The following KCNS3 variants were observed in gnomAD, a reference collection of about 807,000 sequenced individuals.
KCNS3 encodes the protein potassium voltage-gated channel modifier subfamily S member 3.
Under a neutral mutation model 31.0 loss-of-function variants are expected in KCNS3, and 13 were observed. The observed-to-expected ratio is 0.42, with a 90% confidence interval of 0.27 to 0.67. The LOEUF is 0.67. Among genes scored for constraint, KCNS3 ranks in the 30% least tolerant of loss-of-function variants. KCNS3 has a pLI of 0.25. For missense variants in KCNS3, 545 were observed against 622.4 expected (o/e 0.88, Z 1.32); for synonymous variants, 238 against 241.5 (o/e 0.99, Z 0.13).
chr2:17,886,293 AT>A (rs1461504513), intron 1 of KCNS3, among the ~76,000 whole-genome samples: 2 of 152,198 alleles, frequency 1.3e-5, no homozygotes, highest in African/African-American at 4.8e-5. Context: ...ATTTCCTATG[AT>A]TTACTTGAGA....
chr2:17,917,077 T>A (rs1004148911), intron 1 of KCNS3, among the ~76,000 whole-genome samples: 4 of 152,158 alleles, frequency 2.6e-5, no homozygotes, highest in African/African-American at 9.7e-5. Context: ...GACAGAAACT[T>A]AAAACATCCC....
chr2:17,891,581 G>A (rs1212588712), intron 1 of KCNS3, among the ~76,000 whole-genome samples: 1 of 152,136 alleles, frequency 6.6e-6, no homozygotes, highest in Non-Finnish European at 1.5e-5. Context: ...TTTGTTTCAA[G>A]ATTTAGAGCT....
At chr2:17,889,593 G>A (rs1661790252) in intron 1 of KCNS3, among the ~76,000 whole-genome samples, 1 of 152,112 alleles carries the variant, frequency 6.6e-6, no homozygotes, top group South Asian at 2.1e-4. Context: ...TTACATTAAG[G>A]TATGTCCCTT....
chr2:17,883,299 G>A (rs912552029), intron 1 of KCNS3, among the ~76,000 whole-genome samples: 8 of 149,830 alleles, frequency 5.3e-5, no homozygotes, highest in African/African-American at 1.2e-4. Flanking sequence ...ATTCAAATCC[G>A]TGCATACATT....
intron 1 of KCNS3, among the ~76,000 whole-genome samples, chr2:17,912,009 G>C (rs73225038): frequency 0.023 from 3,507 of 152,252 alleles, 127 homozygotes; most frequent in African/African-American, 0.076. Context: ...TATTATTTCA[G>C]CATTTTTAAT....
At chr2:17,896,680 A>G (rs1558449579) in intron 1 of KCNS3, among the ~76,000 whole-genome samples, 1 of 152,074 alleles carries the variant, frequency 6.6e-6, no homozygotes, top group East Asian at 1.9e-4. Context: ...GTAACTGTGA[A>G]GATCTCCCAA....
chr2:17,888,629 GTATATATATATATATA>G (rs70964021), intron 1 of KCNS3, among the ~76,000 whole-genome samples: 2,268 of 92,390 alleles, frequency 0.025, 137 homozygotes, highest in African/African-American at 0.091. Context: ...TAAAAAAAAT[GTATATATATATATATA>G]TATATATATA....
Position 17,932,406 on chromosome 2 carries a change from C to T in KCNS3, c.1398C>T (p.Asp466=). The T allele has an allele frequency of 6.2e-7, 1 of 1,614,152 alleles. No homozygotes were observed. The highest frequency in any genetic ancestry group is 8.5e-7 in the Non-Finnish European group (1 of 1,180,020). ...SSVGIVVSDP[D]STDASSIEDN... ...TAGGCATTGTGGTGAGCGATCCTGACTCCACAGATGCTTCAAGCATTGAAG... is the reference window on the plus strand; with the variant it reads ...TAGGCATTGTGGTGAGCGATCCTGATTCCACAGATGCTTCAAGCATTGAAG... The change falls in exon 3 of 3, where the codon GAC becomes GAT. Residue 466 remains aspartate (D), a synonymous_variant. Coordinates refer to ENST00000304101, the MANE Select transcript of KCNS3 (RefSeq NM_002252.5).
chr2:17,907,030 C>T (rs938076603), intron 1 of KCNS3, among the ~76,000 whole-genome samples: 6 of 152,098 alleles, frequency 3.9e-5, no homozygotes, highest in African/African-American at 1.4e-4. Context: ...CTTTCTGTCT[C>T]GTTGATCTGT....
intron 1 of KCNS3, among the ~76,000 whole-genome samples, chr2:17,886,825 AG>A (rs1441549880): frequency 6.6e-6 from 1 of 151,630 alleles, no homozygotes; most frequent in East Asian, 1.9e-4. Flanking sequence ...AAAAGGTATC[AG>A]GGTCCCCATG....
chr2:17,928,314 T>C (rs1057507970), intron 2 of KCNS3, among the ~76,000 whole-genome samples: 1 of 152,254 alleles, frequency 6.6e-6, no homozygotes, highest in Non-Finnish European at 1.5e-5. Context: ...TCACCGAGGA[T>C]GGAGTGCAGT....
chr2:17,904,740 T>C (rs2125241997), intron 1 of KCNS3, among the ~76,000 whole-genome samples: 1 of 152,366 alleles, frequency 6.6e-6, no homozygotes, highest in African/African-American at 2.4e-5. Context: ...TTCTTCTTTT[T>C]GTCAGGTTTG....
intron 1 of KCNS3, among the ~76,000 whole-genome samples, chr2:17,908,112 T>G (rs889799082): frequency 2.0e-5 from 3 of 152,218 alleles, no homozygotes; most frequent in Non-Finnish European, 4.4e-5. Context: ...AGACGTAGAT[T>G]TGGTCTTTTC....
chr2:17,930,946 C>T lies in KCNS3; in HGVS notation c.-59-4C>T. ...GTGCTAATATCATCTTGTGCTCTTTCCAGGTGCAGCCTGATCTTCCTCTTC... is the reference window on the plus strand; with the variant it reads ...GTGCTAATATCATCTTGTGCTCTTTTCAGGTGCAGCCTGATCTTCCTCTTC... On this transcript the variant is annotated splice_region_variant and splice_polypyrimidine_tract_variant and intron_variant, in intron 2 of 2. Transcript: ENST00000304101. The T allele has an allele frequency of 6.4e-7, 1 of 1,555,422 alleles. No individual in the cohort carries two copies. The highest frequency in any genetic ancestry group is 8.7e-7 in the Non-Finnish European group (1 of 1,148,136).
At chr2:17,903,111 G>A (rs1662226548) in intron 1 of KCNS3, among the ~76,000 whole-genome samples, 1 of 152,174 alleles carries the variant, frequency 6.6e-6, no homozygotes, top group South Asian at 2.1e-4. Flanking sequence ...AGTTAATGCA[G>A]TGGGCAAGAG....
intron 1 of KCNS3, among the ~76,000 whole-genome samples, chr2:17,894,216 A>C (rs1420220423): frequency 6.6e-6 from 1 of 152,076 alleles, no homozygotes; most frequent in Non-Finnish European, 1.5e-5. Context: ...GCCCCACCAA[A>C]GCAGATATAA....
At chr2:17,901,299 G>A (rs1478439604) in intron 1 of KCNS3, among the ~76,000 whole-genome samples, 1 of 151,920 alleles carries the variant, frequency 6.6e-6, no homozygotes, top group Non-Finnish European at 1.5e-5. Flanking sequence ...AAAATACCGA[G>A]TATCTGGATT....
chr2:17,925,336 T>G (rs1269823917), intron 2 of KCNS3, among the ~76,000 whole-genome samples: 1 of 152,218 alleles, frequency 6.6e-6, no homozygotes, highest in Non-Finnish European at 1.5e-5. Context: ...GTCTATTCTC[T>G]CTGAAGTTGC....
intron 1 of KCNS3, among the ~76,000 whole-genome samples, chr2:17,896,690 A>C (rs754981693): frequency 6.6e-5 from 10 of 150,998 alleles, no homozygotes; most frequent in Non-Finnish European, 1.5e-4. Flanking sequence ...AGATCTCCCA[A>C]GAGGTTCCTT....
Sources: allele counts gnomAD v4.1 joint callset (sites outside exome capture counted in the v4.1 genomes callset), GRCh38; gene constraint gnomAD v4.1.1; transcripts MANE v1.5; gene names NCBI Gene and HGNC (gene_info 2026-07-23, HGNC 2026-07-21).